The following CAPZB variants were observed in gnomAD, a reference collection of about 807,000 sequenced individuals.
CAPZB encodes the protein capping actin protein of muscle Z-line subunit beta, also known as F-actin-capping protein subunit beta.
In CAPZB, 2 loss-of-function variants were observed where a neutral mutation model predicts 38.1. That is an observed-to-expected ratio of 0.05 (90% CI 0.02 to 0.17). CAPZB has a LOEUF of 0.17. CAPZB is among the 10% of genes least tolerant of loss of function. CAPZB has a pLI of 1.00. For missense variants in CAPZB, 161 were observed against 334.2 expected (o/e 0.48, Z 4.04); for synonymous variants, 107 against 127.4 (o/e 0.84, Z 1.08).
intron 2 of CAPZB, among the ~76,000 whole-genome samples, chr1:19,417,141 A>G (rs1318405092): frequency 6.6e-6 from 1 of 152,176 alleles, no homozygotes; most frequent in African/African-American, 2.4e-5. Context: ...CCAGGTTTTC[A>G]TAAAAGCAGC....
At chr1:19,469,108 G>T (rs541377714) in intron 1 of CAPZB, among the ~76,000 whole-genome samples, 1 of 152,346 alleles carries the variant, frequency 6.6e-6, no homozygotes, top group African/African-American at 2.4e-5. Context: ...TGGACAGGGA[G>T]ACGGGTACGA....
chr1:19,484,815 C>CG (rs2094645030), intron 1 of CAPZB: 1 of 467,202 alleles, frequency 2.1e-6, no homozygotes, highest in Non-Finnish European at 2.8e-6. Context: ...GAGGTCCAGA[C>CG]GGGGGCCATG....
chr1:19,359,684 A>G (rs2094042400), intron 4 of CAPZB, among the ~76,000 whole-genome samples: 1 of 152,190 alleles, frequency 6.6e-6, no homozygotes, highest in Non-Finnish European at 1.5e-5. Context: ...TCAGATGCTG[A>G]GCCCATCGCT....
At chr1:19,427,512 G>T (rs1049130665) in intron 1 of CAPZB, among the ~76,000 whole-genome samples, 8 of 152,188 alleles carry the variant, frequency 5.3e-5, no homozygotes, top group African/African-American at 1.7e-4. Context: ...TTTAAACGTC[G>T]AATCTGTTTT....
chr1:19,414,848 G>A (rs1399331442), intron 2 of CAPZB, among the ~76,000 whole-genome samples: 7 of 152,178 alleles, frequency 4.6e-5, no homozygotes, highest in South Asian at 2.1e-4. Flanking sequence ...GCTTAACAAC[G>A]GATTTCAGCT....
rs115799597 is a variant in CAPZB, at chr1:19,438,709, C to T, written c.4-18959G>A. On this transcript the variant is annotated intron_variant, in intron 1 of 8. Transcript: ENST00000264202. ...TCTTGTGCTGCTTCCCAGTGAGACT[C>T]AGCAGAGGACACACGAGGCCACATG... Among the ~76,000 whole-genome samples the T allele has an allele frequency of 9.5e-3, 1,448 of 152,286 alleles. 17 individuals are homozygous for T. Among genetic ancestry groups the T allele is most frequent in the South Asian group, 0.027 (130 of 4,824 alleles).
chr1:19,366,283 A>AATATATATATATATAT lies in CAPZB; in HGVS notation c.330-8736_330-8721dup, dbSNP rs201882034. Among the ~76,000 whole-genome samples the AATATATATATATATAT allele has an allele frequency of 6.5e-3, 393 of 60,372 alleles. 11 individuals carry two copies. The highest frequency in any genetic ancestry group is 0.023 in the African/African-American group (365 of 15,584). 39.6% of individuals were successfully genotyped at this position (60,372 alleles called of 152,430 possible). A position where few individuals can be genotyped will look rare whatever the true frequency, so the allele number is the denominator to read the frequency against. ...GCAACATAGTGAGACCGTGTCTTAA[A>AATATATATATATATAT]ATATATATATATATATATATATATA... On this transcript the variant is annotated intron_variant, in intron 4 of 8. Coordinates refer to ENST00000264202, the MANE Select transcript of CAPZB (RefSeq NM_004930.5).
intron 4 of CAPZB, among the ~76,000 whole-genome samples, chr1:19,361,221 G>A (rs998364794): frequency 2.0e-5 from 3 of 152,182 alleles, no homozygotes; most frequent in South Asian, 2.1e-4. Context: ...AGTTAGAGGC[G>A]GCGTGGTCAA....
chr1:19,422,598 G>T (rs1372917451), intron 1 of CAPZB, among the ~76,000 whole-genome samples: 3 of 152,050 alleles, frequency 2.0e-5, no homozygotes, highest in Non-Finnish European at 4.4e-5. Flanking sequence ...TTAGCCGGGC[G>T]TGGTGGCGGG....
intron 6 of CAPZB, among the ~76,000 whole-genome samples, chr1:19,347,187 G>A (rs2093966811): frequency 6.6e-6 from 1 of 152,022 alleles, no homozygotes; most frequent in African/African-American, 2.4e-5. Flanking sequence ...GCAAGGAAAC[G>A]CTAGCTCGAA....
At chr1:19,360,621 G>C (rs1290863352) in intron 4 of CAPZB, among the ~76,000 whole-genome samples, 3 of 152,184 alleles carry the variant, frequency 2.0e-5, no homozygotes, top group Non-Finnish European at 4.4e-5. Context: ...AAAGCACCAG[G>C]TGGCCCACGG....
chr1:19,425,039 T>C (rs2094417258), intron 1 of CAPZB, among the ~76,000 whole-genome samples: 1 of 152,218 alleles, frequency 6.6e-6, no homozygotes, highest in Non-Finnish European at 1.5e-5. Flanking sequence ...AAGGCACAGT[T>C]CACAATACAC....
chr1:19,344,460 T>A (rs1007734357), intron 7 of CAPZB, 26 bp from the exon 8 acceptor site: 3 of 1,593,630 alleles, frequency 1.9e-6, no homozygotes, highest in Non-Finnish European at 2.6e-6. Context: ...GTCAGCGCAG[T>A]GGCAAAAGGT....
At chr1:19,428,536 T>A (rs1472565) in intron 1 of CAPZB, among the ~76,000 whole-genome samples, 1 of 152,032 alleles carries the variant, frequency 6.6e-6, no homozygotes, top group Admixed American at 6.5e-5. Context: ...CTCTCTTTTT[T>A]CTTTTATAAA....
chr1:19,347,033 G>T (rs2093966010), intron 6 of CAPZB, among the ~76,000 whole-genome samples: 1 of 151,144 alleles, frequency 6.6e-6, no homozygotes, highest in Non-Finnish European at 1.5e-5. Context: ...TAGAGACAGG[G>T]TTTTGCCATG....
intron 1 of CAPZB, among the ~76,000 whole-genome samples, chr1:19,482,879 A>C (rs548829081): frequency 6.6e-6 from 1 of 152,368 alleles, no homozygotes; most frequent in Admixed American, 6.5e-5. Context: ...CAGAGTATTC[A>C]AATAGGGGAT....
intron 4 of CAPZB, among the ~76,000 whole-genome samples, chr1:19,377,013 C>A (rs2094147989): frequency 6.6e-6 from 1 of 152,196 alleles, no homozygotes; most frequent in African/African-American, 2.4e-5. Context: ...TACCTGGAGG[C>A]CCACTTGCAT....
At chr1:19,407,566 C>T (rs576048159) in intron 2 of CAPZB, among the ~76,000 whole-genome samples, 103 of 152,192 alleles carry the variant, frequency 6.8e-4, no homozygotes, top group African/African-American at 2.4e-3. Context: ...GCTGGGAAAC[C>T]GACAGAAAGG....
At chr1:19,373,061 T>C (rs959976841) in intron 4 of CAPZB, among the ~76,000 whole-genome samples, 1 of 152,176 alleles carries the variant, frequency 6.6e-6, no homozygotes, top group Non-Finnish European at 1.5e-5. Context: ...TAGTGACAGT[T>C]ACTCTCCTAG....
Sources: gnomAD v4.1 joint callset for allele counts (sites outside exome capture counted in the v4.1 genomes callset) on GRCh38, gnomAD v4.1.1 for gene constraint, MANE v1.5 for transcripts, NCBI Gene and HGNC (gene_info 2026-07-23, HGNC 2026-07-21) for gene names.